The following ZFPM2 variants were observed in gnomAD, a reference collection of about 807,000 sequenced individuals.
ZFPM2 encodes the protein zinc finger protein ZFPM2.
Under a neutral mutation model 98.6 loss-of-function variants are expected in ZFPM2, and 20 were observed. The observed-to-expected ratio is 0.20, with a 90% confidence interval of 0.14 to 0.29. The LOEUF (loss-of-function observed/expected upper bound fraction) is 0.29. ZFPM2 is among the 10% of genes least tolerant of loss of function. ZFPM2 has a pLI of 1.00. For synonymous variants in ZFPM2, 518 were observed against 502.7 expected (o/e 1.03, Z -0.41); for missense variants, 1,310 against 1,388.6 (o/e 0.94, Z 0.90).
At chr8:105,511,575 C>T (rs991220768) in intron 3 of ZFPM2, among the ~76,000 whole-genome samples, 3 of 152,170 alleles carry the variant, frequency 2.0e-5, no homozygotes, top group African/African-American at 7.2e-5. Flanking sequence ...TTAATTTAGA[C>T]ACTTTCTGAA....
intron 3 of ZFPM2, among the ~76,000 whole-genome samples, chr8:105,553,656 T>A (rs1219739664): frequency 6.6e-6 from 1 of 152,176 alleles, no homozygotes; most frequent in Non-Finnish European, 1.5e-5. Context: ...CATGCTCTTT[T>A]AATACCATCT....
In ZFPM2 at chr8:105,359,915, C is replaced by T. The variant is rs12543879; in HGVS notation, c.40+40934C>T. Reference sequence around the variant, plus strand: ...AAAATATAAACCAAAAGAGCTAGATCGCTATGATGAGCAAGGGAAAGCCCA... The same window carrying T: ...AAAATATAAACCAAAAGAGCTAGATTGCTATGATGAGCAAGGGAAAGCCCA... On this transcript the variant is annotated intron_variant, in intron 1 of 7. Transcript: ENST00000407775. Among the ~76,000 whole-genome samples the T allele has an allele frequency of 2.4e-4, 37 of 152,222 alleles. 1 individual carries two copies. The highest frequency in any genetic ancestry group is 2.3e-3 in the Admixed American group (35 of 15,292).
intron 4 of ZFPM2, among the ~76,000 whole-genome samples, chr8:105,565,884 T>C (rs919880452): frequency 6.6e-6 from 1 of 152,144 alleles, no homozygotes. Context: ...AACAACAGGA[T>C]GTGTACGTAT....
chr8:105,467,887 T>C (rs1241839841), intron 3 of ZFPM2, among the ~76,000 whole-genome samples: 1 of 151,902 alleles, frequency 6.6e-6, no homozygotes, highest in African/African-American at 2.4e-5. Context: ...TGATTTGGGG[T>C]TCATTGGAAG....
chr8:105,422,942 A>G (rs1298107448), intron 2 of ZFPM2, among the ~76,000 whole-genome samples: 1 of 152,192 alleles, frequency 6.6e-6, no homozygotes, highest in Non-Finnish European at 1.5e-5. Flanking sequence ...CATTTCTATT[A>G]TACAGGATAT....
chr8:105,398,572 C>T (rs1484819573), intron 1 of ZFPM2, among the ~76,000 whole-genome samples: 13 of 151,994 alleles, frequency 8.6e-5, no homozygotes, highest in Admixed American at 7.2e-4. Flanking sequence ...AACGGGTCTG[C>T]CTCACATCAT....
chr8:105,370,861 AC>A (rs1161889845), intron 1 of ZFPM2, among the ~76,000 whole-genome samples: 7 of 152,350 alleles, frequency 4.6e-5, no homozygotes, highest in African/African-American at 1.4e-4. Context: ...TTTGAACGCA[AC>A]TTATCTAACT....
intron 6 of ZFPM2, among the ~76,000 whole-genome samples, chr8:105,792,243 C>A (rs1452143872): frequency 2.0e-5 from 3 of 152,134 alleles, no homozygotes; most frequent in African/African-American, 7.2e-5. Context: ...GTAAATTTCC[C>A]TCTACACACT....
chr8:105,379,105 T>A (rs765387404), intron 1 of ZFPM2, among the ~76,000 whole-genome samples: 1 of 152,210 alleles, frequency 6.6e-6, no homozygotes, highest in Non-Finnish European at 1.5e-5. Context: ...GTTTTAAAAT[T>A]GAATTTAAAT....
intron 3 of ZFPM2, among the ~76,000 whole-genome samples, chr8:105,526,164 G>A (rs1182537406): frequency 6.6e-6 from 1 of 151,998 alleles, no homozygotes; most frequent in Non-Finnish European, 1.5e-5. Context: ...GCTTTTTAGG[G>A]ATAATTTTTT....
chr8:105,397,834 G>A (rs1006369874), intron 1 of ZFPM2, among the ~76,000 whole-genome samples: 3 of 151,738 alleles, frequency 2.0e-5, no homozygotes, highest in African/African-American at 7.3e-5. Flanking sequence ...ATGTAACTCC[G>A]GTTGTCAAAG....
At chr8:105,556,849 A>T (rs1815006531) in intron 3 of ZFPM2, among the ~76,000 whole-genome samples, 1 of 151,776 alleles carries the variant, frequency 6.6e-6, no homozygotes, top group Non-Finnish European at 1.5e-5. Flanking sequence ...CAGCCTCCCG[A>T]GTAGTTGGGA....
chr8:105,649,481 A>G (rs892285832), intron 5 of ZFPM2, among the ~76,000 whole-genome samples: 1 of 152,120 alleles, frequency 6.6e-6, no homozygotes, highest in African/African-American at 2.4e-5. Flanking sequence ...AAATGCTTCT[A>G]GTTTTGGCCC....
At chr8:105,775,320 C>A (rs1431057090) in intron 5 of ZFPM2, among the ~76,000 whole-genome samples, 3 of 151,766 alleles carry the variant, frequency 2.0e-5, no homozygotes, top group African/African-American at 7.3e-5. Context: ...CTCCCCTCTT[C>A]TTTTTCCCTC....
intron 5 of ZFPM2, among the ~76,000 whole-genome samples, chr8:105,738,216 A>C (rs191229498): frequency 2.6e-5 from 4 of 152,050 alleles, no homozygotes; most frequent in African/African-American, 7.2e-5. Flanking sequence ...GTTCCCCACT[A>C]TGCATCCATT....
At chr8:105,712,695 T>C (rs886519601) in intron 5 of ZFPM2, among the ~76,000 whole-genome samples, 2 of 152,056 alleles carry the variant, frequency 1.3e-5, no homozygotes, top group African/African-American at 4.8e-5. Context: ...TAGGAAGTTT[T>C]ATAGACCTTT....
chr8:105,780,279 A>C (rs2131109426), intron 5 of ZFPM2: 1 of 152,340 alleles, frequency 6.6e-6, no homozygotes, highest in South Asian at 2.1e-4. Flanking sequence ...GCCTGATGTC[A>C]TTTGATAAAG....
intron 5 of ZFPM2, among the ~76,000 whole-genome samples, chr8:105,734,814 T>G (rs1812030648): frequency 6.6e-6 from 1 of 151,760 alleles, no homozygotes; most frequent in Admixed American, 6.6e-5. Context: ...TTTTTTTGTG[T>G]TCCTGTAAAC....
rs1811146666 is a variant in ZFPM2 at position 105,701,761 on chromosome 8, A to G, written c.532+67404A>G. ...GTGATGATTGTAAAGTTTCTACTAT[A>G]AAGAACTGTGTGTTAACCTGAAACT... On this transcript the variant is annotated intron_variant, in intron 5 of 7. Transcript: ENST00000407775. Among the ~76,000 whole-genome samples the G allele has an allele frequency of 2.0e-5, 3 of 152,228 alleles. No homozygotes were observed. In the South Asian group the frequency reaches 6.2e-4, roughly 31 times the overall value.
Sources: allele counts gnomAD v4.1 joint callset (sites outside exome capture counted in the v4.1 genomes callset), GRCh38; gene constraint gnomAD v4.1.1; transcripts MANE v1.5; gene names NCBI Gene and HGNC (gene_info 2026-07-23, HGNC 2026-07-21).